BIRC6: variants seen among roughly 807,000 people sequenced by gnomAD.
The protein encoded by BIRC6 is baculoviral IAP repeat containing 6.
In BIRC6, 98 loss-of-function variants were observed where a neutral mutation model predicts 503.3. The observed-to-expected ratio is 0.19, with a 90% CI of 0.17 to 0.23. The LOEUF is 0.23. Ranked by LOEUF, BIRC6 falls within the 10% of genes least tolerant of loss-of-function variation. BIRC6 has a pLI of 1.00. For synonymous variants in BIRC6, 2,240 were observed against 2,078.7 expected (o/e 1.08, Z -2.11); for missense variants, 5,360 against 5,806.0 (o/e 0.92, Z 2.50).
intron 51 of BIRC6, among the ~76,000 whole-genome samples, chr2:32,509,413 C>T (rs1328159111): frequency 6.6e-6 from 1 of 152,066 alleles, no homozygotes; most frequent in African/African-American, 2.4e-5. Flanking sequence ...CACCACCATG[C>T]CCAACTAATC....
At chr2:32,511,201 CTTTTTTTTTTTTTTTTTTT>C in intron 53 of BIRC6, among the ~76,000 whole-genome samples, 1 of 48,582 alleles carries the variant, frequency 2.1e-5, no homozygotes, top group Admixed American at 2.8e-4. Flanking sequence ...CTTTTCTTTT[CTTTTTTTTTTTTTTTTTTT>C]TTTTTTTTAC....
intron 65 of BIRC6, chr2:32,558,685 G>C (rs2058949865): frequency 6.6e-6 from 1 of 152,172 alleles, no homozygotes; most frequent in Non-Finnish European, 1.5e-5. Flanking sequence ...AGTGTTATCA[G>C]ATATGTTGCT....
chr2:32,443,500 A>G lies in BIRC6; in HGVS notation c.4248A>G (p.Lys1416=). The change falls in exon 20 of 74, where the codon AAA becomes AAG. Residue 1416 remains lysine (K), a synonymous_variant. Coordinates refer to ENST00000421745, the MANE Select transcript of BIRC6 (RefSeq NM_016252.4). ...RFLALCISNG[K]CDPCQPAFGP... ...TTTAAAAATTTTTCAGTAATGGCAA[A>G]TGTGACCCATGTCAACCAGCATTTG... is the stretch of plus-strand genomic sequence containing the variant. 6.2e-7 allele frequency: 1 copy of G among 1,603,060 alleles called. No homozygotes were observed. The highest frequency in any genetic ancestry group is 1.7e-5 in the Admixed American group (1 of 58,296).
chr2:32,445,494 C>A (rs1368352374), intron 20 of BIRC6, 27 bp from the exon 21 acceptor site: 4 of 1,510,454 alleles, frequency 2.6e-6, no homozygotes, highest in Non-Finnish European at 3.6e-6. Context: ...GAAAAAGAAA[C>A]ATTTATTTTG....
Position 32,478,581 on chromosome 2 carries a change from T to TG in BIRC6, c.7069-53dup, listed in dbSNP as rs1276137240. On this transcript the variant is annotated intron_variant, in intron 35 of 73. Transcript: ENST00000421745. ...GTATTGGTAGACTTCTGTTAGTGTTTGAAAAAACATGTAATTGCTATTTAA... is the reference window on the plus strand; with the variant it reads ...GTATTGGTAGACTTCTGTTAGTGTTTGGAAAAAACATGTAATTGCTATTTAA... 2.7e-6 allele frequency: 4 copies of TG among 1,496,330 alleles called. No homozygotes were observed. The African/African-American group carries it at 4.2e-5, about 16-fold the overall frequency. The allele number at this position is 1,496,330 out of a possible 1,614,324, so 92.7% of individuals were successfully genotyped here. A position where few individuals can be genotyped will look rare whatever the true frequency, so the allele number is the denominator to read the frequency against.
chr2:32,385,027 C>G (rs1345193270), intron 3 of BIRC6, among the ~76,000 whole-genome samples: 2 of 152,188 alleles, frequency 1.3e-5, no homozygotes, highest in East Asian at 1.9e-4. Flanking sequence ...ACTCTGTTAA[C>G]TAGTGAGGAT....
chr2:32,574,676 CTT>C (rs1233692875), intron 65 of BIRC6: 2 of 169,174 alleles, frequency 1.2e-5, no homozygotes, highest in Non-Finnish European at 2.6e-5. Flanking sequence ...TGAGGTTGGT[CTT>C]GCTGTCTCAG....
At chr2:32,420,805 C>T (rs890619086) in intron 10 of BIRC6, among the ~76,000 whole-genome samples, 1 of 152,108 alleles carries the variant, frequency 6.6e-6, no homozygotes, top group African/African-American at 2.4e-5. Flanking sequence ...AGCTACCATG[C>T]CTGGCTCCTT....
At chr2:32,473,078 A>G in intron 32 of BIRC6, 34 bp from the exon 33 acceptor site, 1 of 1,515,290 alleles carries the variant, frequency 6.6e-7, no homozygotes, top group Non-Finnish European at 8.9e-7. Flanking sequence ...CACATTTAAC[A>G]GAATTATTAA....
chr2:32,400,705 T>C (rs1003126748), intron 6 of BIRC6, among the ~76,000 whole-genome samples: 2 of 152,166 alleles, frequency 1.3e-5, no homozygotes, highest in African/African-American at 4.8e-5. Flanking sequence ...AAATAACTTT[T>C]TGTGTTATGA....
intron 24 of BIRC6, among the ~76,000 whole-genome samples, chr2:32,463,654 T>G (rs1022390617): frequency 2.0e-5 from 3 of 152,222 alleles, no homozygotes; most frequent in African/African-American, 7.2e-5. Flanking sequence ...GATCAAAGAA[T>G]ATGTACAGTT....
At chr2:32,465,232 CATT>C (rs530313208) in intron 26 of BIRC6, 68 bp downstream of exon 26, 455 of 505,754 alleles carry the variant, frequency 9.0e-4, no homozygotes, top group African/African-American at 8.1e-3. Flanking sequence ...TTTAAAGACT[CATT>C]ATTCTTCAGT....
At chr2:32,463,620 A>G (rs1329685120) in intron 24 of BIRC6, among the ~76,000 whole-genome samples, 2 of 152,196 alleles carry the variant, frequency 1.3e-5, no homozygotes, top group Non-Finnish European at 2.9e-5. Flanking sequence ...GCAATCTTGA[A>G]GTAAATCCAT....
At chr2:32,474,948 T>A (rs1360438902) in intron 33 of BIRC6, among the ~76,000 whole-genome samples, 1 of 151,802 alleles carries the variant, frequency 6.6e-6, no homozygotes, top group Non-Finnish European at 1.5e-5. Flanking sequence ...CAAAAACAGG[T>A]GTCAGGCAGG....
chr2:32,591,038 A>G (rs996397188), intron 66 of BIRC6: 1 of 926,692 alleles, frequency 1.1e-6, no homozygotes, highest in Non-Finnish European at 1.3e-6. Context: ...TGCAACTTTT[A>G]TAGAAAAGAG....
At chr2:32,475,814 A>G (rs578233781) in intron 33 of BIRC6, among the ~76,000 whole-genome samples, 60 of 152,194 alleles carry the variant, frequency 3.9e-4, no homozygotes, top group Non-Finnish European at 8.2e-4. Flanking sequence ...AAAAATATAG[A>G]CATACCAAAA....
chr2:32,464,526 C>G lies in BIRC6; in HGVS notation c.4959C>G (p.Ala1653=), dbSNP rs1040214140. The G allele has an allele frequency of 3.2e-6, 5 of 1,575,434 alleles. No individual in the cohort carries two copies. Among genetic ancestry groups the G allele is most frequent in the Admixed American group, 1.9e-5 (1 of 52,880 alleles). The change falls in exon 25 of 74, where the codon GCC becomes GCG. Residue 1653 remains alanine (A), a synonymous_variant. Transcript: ENST00000421745. ...TTTTGCAGAAAGCAAAGCTGGAAGCCAAGTTACATCAGACAACAGCTGCAG... is the reference window on the plus strand; with the variant it reads ...TTTTGCAGAAAGCAAAGCTGGAAGCGAAGTTACATCAGACAACAGCTGCAG... ...KLQQQKAKLE[A]KLHQTTAAAA...
intron 23 of BIRC6, among the ~76,000 whole-genome samples, chr2:32,460,971 G>A (rs1309843858): frequency 6.7e-6 from 1 of 150,108 alleles, no homozygotes; most frequent in African/African-American, 2.5e-5. Flanking sequence ...CATGTTTTAT[G>A]AGATGCAATT....
intron 59 of BIRC6, 39 bp downstream of exon 59, chr2:32,525,667 G>A (rs1330850787): frequency 1.3e-6 from 2 of 1,577,780 alleles, no homozygotes; most frequent in African/African-American, 1.4e-5. Flanking sequence ...AGAAATTTTA[G>A]TAGCCTTAAA....
Sources: gnomAD v4.1 joint callset for allele counts (sites outside exome capture counted in the v4.1 genomes callset) on GRCh38, gnomAD v4.1.1 for gene constraint, MANE v1.5 for transcripts, NCBI Gene and HGNC (gene_info 2026-07-23, HGNC 2026-07-21) for gene names.